The following SLC9A9 variants were observed in gnomAD, a reference collection of about 807,000 sequenced individuals.
The protein encoded by SLC9A9 is sodium/hydrogen exchanger 9.
SLC9A9 carries 62 observed loss-of-function variants against 77.8 expected under a neutral mutation model. The observed-to-expected ratio is 0.80, with a 90% CI of 0.65 to 0.98. SLC9A9 has a LOEUF of 0.98. Ranked by LOEUF, SLC9A9 falls within the 50% of genes least tolerant of loss-of-function variation. The pLI is 0.00. For missense variants in SLC9A9, 775 were observed against 774.9 expected, an observed-to-expected ratio of 1.00 and a Z score of 0.00; for synonymous variants, 320 against 283.5, an observed-to-expected ratio of 1.13 and a Z score of -1.29.
chr3:143,445,006 C>T (rs1006677848), intron 12 of SLC9A9, among the ~76,000 whole-genome samples: 7 of 152,216 alleles, frequency 4.6e-5, no homozygotes, highest in African/African-American at 1.4e-4. Context: ...CATCTAACTC[C>T]ATAGCCCCGG....
Position 143,620,490 on chromosome 3 carries a change from C to G in SLC9A9, c.755+31765G>C, listed in dbSNP as rs571709580. 2.0e-5 allele frequency: 3 copies of G among 152,240 alleles called. 1 individual carries two copies. The highest frequency in any genetic ancestry group is 4.2e-4 in the South Asian group (2 of 4,814). 9.4% of individuals were successfully genotyped at this position (152,240 alleles called of 1,614,324 possible). A position where few individuals can be genotyped will look rare whatever the true frequency, so the allele number is the denominator to read the frequency against. ...ACCTGTGGTGGTGAGCTCAGACAAG[C>G]GCCCAGAGGTGGTGGACAAGCACCA... On this transcript the variant is annotated intron_variant, in intron 6 of 15. Coordinates refer to ENST00000316549, the MANE Select transcript of SLC9A9 (RefSeq NM_173653.4).
chr3:143,432,472 C>T (rs993616722), intron 12 of SLC9A9, among the ~76,000 whole-genome samples: 3 of 152,288 alleles, frequency 2.0e-5, no homozygotes, highest in Non-Finnish European at 4.4e-5. Flanking sequence ...TATCTCATTA[C>T]AATCACATTC....
At chr3:143,770,300 A>C (rs2007472454) in intron 4 of SLC9A9, among the ~76,000 whole-genome samples, 1 of 152,218 alleles carries the variant, frequency 6.6e-6, no homozygotes, top group Non-Finnish European at 1.5e-5. Flanking sequence ...CATATTTTAC[A>C]GGCACAATAA....
At chr3:143,599,923 C>A (rs1184332251) in intron 6 of SLC9A9, among the ~76,000 whole-genome samples, 1 of 152,164 alleles carries the variant, frequency 6.6e-6, no homozygotes, top group Non-Finnish European at 1.5e-5. Flanking sequence ...ACTTGTCCAA[C>A]ATAAAGCAAC....
intron 4 of SLC9A9, among the ~76,000 whole-genome samples, chr3:143,744,886 A>G (rs1935167914): frequency 6.6e-6 from 1 of 152,204 alleles, no homozygotes; most frequent in African/African-American, 2.4e-5. Context: ...GATGATATTT[A>G]TCTGAAGTCT....
chr3:143,770,767 G>A (rs2007489164), intron 4 of SLC9A9, among the ~76,000 whole-genome samples: 1 of 152,018 alleles, frequency 6.6e-6, no homozygotes, highest in Non-Finnish European at 1.5e-5. Flanking sequence ...GACAAACCAG[G>A]AAATATATTT....
intron 6 of SLC9A9, among the ~76,000 whole-genome samples, chr3:143,648,531 G>A (rs1357583055): frequency 6.6e-6 from 1 of 152,162 alleles, no homozygotes; most frequent in East Asian, 1.9e-4. Flanking sequence ...TTCCTAACAG[G>A]CCACAGACCA....
intron 2 of SLC9A9, among the ~76,000 whole-genome samples, chr3:143,799,369 T>C (rs1241433399): frequency 6.6e-6 from 1 of 152,186 alleles, no homozygotes; most frequent in Non-Finnish European, 1.5e-5. Flanking sequence ...CAGGACTTAA[T>C]TAACCACGCC....
At chr3:143,314,903 C>T (rs1430149243) in intron 14 of SLC9A9, among the ~76,000 whole-genome samples, 2 of 152,202 alleles carry the variant, frequency 1.3e-5, no homozygotes, top group Non-Finnish European at 2.9e-5. Context: ...TAGAATTGGT[C>T]CATCACTGCA....
chr3:143,802,657 C>T (rs1311255733), intron 2 of SLC9A9, among the ~76,000 whole-genome samples: 1 of 152,142 alleles, frequency 6.6e-6, no homozygotes, highest in Admixed American at 6.5e-5. Context: ...ATTACCCAAG[C>T]AGTTTCTCAG....
intron 8 of SLC9A9, among the ~76,000 whole-genome samples, chr3:143,557,111 T>C (rs1008551471): frequency 6.6e-6 from 1 of 152,164 alleles, no homozygotes; most frequent in African/African-American, 2.4e-5. Context: ...ATGGGGGTAG[T>C]TTCCCCCATG....
At chr3:143,603,984 C>T (rs2037884930) in intron 6 of SLC9A9, among the ~76,000 whole-genome samples, 1 of 152,168 alleles carries the variant, frequency 6.6e-6, no homozygotes, top group East Asian at 1.9e-4. Context: ...TCACTTCATG[C>T]TTTATTTCTC....
chr3:143,344,102 C>T (rs574173247), intron 14 of SLC9A9, among the ~76,000 whole-genome samples: 19 of 152,122 alleles, frequency 1.2e-4, no homozygotes, highest in Non-Finnish European at 2.5e-4. Context: ...TGCCAGTTTT[C>T]TCTGATGTCA....
At chr3:143,661,475 T>C (rs529994782) in intron 5 of SLC9A9, among the ~76,000 whole-genome samples, 2 of 152,210 alleles carry the variant, frequency 1.3e-5, no homozygotes, top group East Asian at 1.9e-4. Flanking sequence ...CTGTGAACCC[T>C]TCCTGTCTCT....
intron 4 of SLC9A9, among the ~76,000 whole-genome samples, chr3:143,697,859 C>T (rs1004550102): frequency 9.2e-5 from 14 of 152,190 alleles, no homozygotes; most frequent in Admixed American, 8.5e-4. Flanking sequence ...AGTTCAAGCT[C>T]GTATGGTAAT....
intron 12 of SLC9A9, among the ~76,000 whole-genome samples, chr3:143,398,167 T>C (rs2033772570): frequency 6.6e-6 from 1 of 152,168 alleles, no homozygotes; most frequent in African/African-American, 2.4e-5. Flanking sequence ...TCTAAGATGT[T>C]TTGAGAAGGC....
chr3:143,831,052 T>C (rs889981506), intron 2 of SLC9A9, among the ~76,000 whole-genome samples: 1 of 152,092 alleles, frequency 6.6e-6, no homozygotes, highest in African/African-American at 2.4e-5. Context: ...AAATTAGTCA[T>C]CTTGACTGAG....
intron 12 of SLC9A9, among the ~76,000 whole-genome samples, chr3:143,462,751 G>A (rs979273748): frequency 6.6e-6 from 1 of 152,190 alleles, no homozygotes; most frequent in Non-Finnish European, 1.5e-5. Flanking sequence ...TAACAGGCCT[G>A]TCTTGGTTTA....
intron 14 of SLC9A9, among the ~76,000 whole-genome samples, chr3:143,297,119 T>A (rs1345218532): frequency 6.6e-6 from 1 of 152,220 alleles, no homozygotes; most frequent in African/African-American, 2.4e-5. Flanking sequence ...TGAAAATATC[T>A]CCCTATATTT....
Sources: allele counts gnomAD v4.1 joint callset (sites outside exome capture counted in the v4.1 genomes callset), GRCh38; gene constraint gnomAD v4.1.1; transcripts MANE v1.5; gene names NCBI Gene and HGNC (gene_info 2026-07-23, HGNC 2026-07-21).